WASHC3: variants seen among roughly 807,000 people sequenced by gnomAD.
WASHC3 encodes WASH complex subunit 3.
WASHC3 carries 24 observed loss-of-function variants against 26.1 expected under a neutral mutation model. The observed-to-expected ratio is 0.92, with a 90% CI of 0.66 to 1.29. The LOEUF (loss-of-function observed/expected upper bound fraction) is 1.29, where lower values mean the gene tolerates loss of function less well. WASHC3 is among the 50% of genes most tolerant of loss of function. The probability of loss-of-function intolerance (pLI) is 0.00; values close to 1 mark genes in which losing one functional copy is unlikely to be tolerated. For synonymous variants in WASHC3, 77 were observed against 75.7 expected (o/e 1.02, Z -0.09); for missense variants, 214 against 229.6 (o/e 0.93, Z 0.44).
intron 2 of WASHC3, among the ~76,000 whole-genome samples, chr12:102,058,783 C>T (rs567470960): frequency 2.0e-5 from 3 of 151,930 alleles, no homozygotes; most frequent in African/African-American, 7.2e-5. Context: ...TTCACAATAG[C>T]CAAGATACGG....
chr12:102,014,858 A>G (rs946669657), intron 6 of WASHC3, among the ~76,000 whole-genome samples: 13 of 152,224 alleles, frequency 8.5e-5, no homozygotes, highest in African/African-American at 3.1e-4. Flanking sequence ...TCTCTTTGCT[A>G]TATATTTGAT....
chr12:102,053,276 C>A (rs1469822588), intron 2 of WASHC3, among the ~76,000 whole-genome samples: 1 of 151,962 alleles, frequency 6.6e-6, no homozygotes, highest in Non-Finnish European at 1.5e-5. Flanking sequence ...CAAGTTGGAA[C>A]CCTAAGGATC....
chr12:102,014,050 A>G lies in WASHC3; in HGVS notation c.501-858T>C, dbSNP rs976826263. Among the ~76,000 whole-genome samples, 26 of 151,592 alleles carry G rather than the reference A, an allele frequency of 1.7e-4. No individual in the cohort carries two copies. In the South Asian group the frequency reaches 2.1e-3, roughly 12 times the overall value. ...TTTTGGGGGGGAAACCAAGAGGAAAAGGAGTAACAATATAACTGCTACATC... is the reference window on the plus strand; with the variant it reads ...TTTTGGGGGGGAAACCAAGAGGAAAGGGAGTAACAATATAACTGCTACATC... On this transcript the variant is annotated intron_variant, in intron 6 of 6. Transcript: ENST00000240079.
intron 6 of WASHC3, among the ~76,000 whole-genome samples, chr12:102,018,686 T>G (rs1876815946): frequency 6.6e-6 from 1 of 152,218 alleles, no homozygotes; most frequent in African/African-American, 2.4e-5. Context: ...CCCAATCTGG[T>G]TTAGAACTCC....
chr12:102,061,983 C>T lies in WASHC3; in HGVS notation c.-21G>A. The T allele has an allele frequency of 6.3e-7, 1 of 1,582,846 alleles. No individual in the cohort carries two copies. The highest frequency in any genetic ancestry group is 8.6e-7 in the Non-Finnish European group (1 of 1,162,370). The stretch of plus-strand genomic sequence containing the variant: ...TCCATCTCCTCAGCGGGCGGTGGAC[C>T]CCGAGTTCACCCACAAACCCCTCCC... On this transcript the variant is annotated 5_prime_UTR_variant, in exon 1 of 7. Transcript: ENST00000240079.
chr12:102,050,168 G>C (rs1460918660), intron 2 of WASHC3: 1 of 339,486 alleles, frequency 2.9e-6, no homozygotes, highest in African/African-American at 2.2e-5. Flanking sequence ...CAAAAAATTA[G>C]CCAGGTGTGG....
rs773115383 is a variant in WASHC3, at chr12:102,043,982, T to C, written c.324+123A>G. The stretch of plus-strand genomic sequence containing the variant: ...TGTTTTTCCCAAACTTCATTTTCTA[T>C]GTTAAGGTTTTAAAATTTTACTATT... On this transcript the variant is annotated intron_variant, in intron 4 of 6. Coordinates refer to ENST00000240079, the MANE Select transcript of WASHC3 (RefSeq NM_016053.4). 1.4e-5 allele frequency: 7 copies of C among 488,692 alleles called. No homozygotes were observed. The Admixed American group carries it at 1.9e-4, about 13-fold the overall frequency. 30.3% of individuals were successfully genotyped at this position (488,692 alleles called of 1,614,324 possible).
At chr12:102,026,079 C>T (rs1401714158) in intron 5 of WASHC3, 41 bp from the exon 6 acceptor site, 1 of 1,153,676 alleles carries the variant, frequency 8.7e-7, no homozygotes, top group East Asian at 2.6e-5. Context: ...TTAAAAATGT[C>T]TCCTTTATAT....
At chr12:102,030,205 G>A (rs1222462477) in intron 5 of WASHC3, among the ~76,000 whole-genome samples, 1 of 149,290 alleles carries the variant, frequency 6.7e-6, no homozygotes, top group Non-Finnish European at 1.5e-5. Context: ...TGAGGTAGGA[G>A]AATCACTTGA....
intron 2 of WASHC3, among the ~76,000 whole-genome samples, chr12:102,052,841 C>T (rs909120631): frequency 3.3e-5 from 5 of 152,028 alleles, no homozygotes; most frequent in East Asian, 1.9e-4. Context: ...CCACTATTGC[C>T]GTAGGACCCA....
intron 2 of WASHC3, among the ~76,000 whole-genome samples, chr12:102,061,023 C>A (rs1463198597): frequency 2.0e-5 from 3 of 149,458 alleles, no homozygotes; most frequent in African/African-American, 4.9e-5. Context: ...ATAAGCCTGA[C>A]TGACCTATCT....
chr12:102,046,028 AC>A, intron 3 of WASHC3, 25 bp downstream of exon 3: 1 of 1,376,366 alleles, frequency 7.3e-7, no homozygotes, highest in Non-Finnish European at 1.0e-6. Flanking sequence ...CAAAGTTTAT[AC>A]TACAAATTAT....
At chr12:102,060,260 T>C (rs529718910) in intron 2 of WASHC3, among the ~76,000 whole-genome samples, 1 of 152,226 alleles carries the variant, frequency 6.6e-6, no homozygotes, top group African/African-American at 2.4e-5. Flanking sequence ...TTTGGCTTTT[T>C]AAAAGACAGG....
chr12:102,055,684 G>A (rs1878567021), intron 2 of WASHC3, among the ~76,000 whole-genome samples: 1 of 152,116 alleles, frequency 6.6e-6, no homozygotes, highest in Admixed American at 6.6e-5. Flanking sequence ...CTGAATATGG[G>A]ACCACTGATA....
At chr12:102,039,127 G>GTTTTTTTTTTTTTTTTTTTTTTTTTTT (rs151151284) in intron 5 of WASHC3, among the ~76,000 whole-genome samples, 1 of 84,272 alleles carries the variant, frequency 1.2e-5, no homozygotes. Flanking sequence ...TATGGAGTTA[G>GTTTTTTTTTTTTTTTTTTTTTTTTTTT]GTTTTTTTTT....
intron 6 of WASHC3, among the ~76,000 whole-genome samples, chr12:102,020,046 A>G (rs559327192): frequency 3.9e-4 from 59 of 152,182 alleles, no homozygotes; most frequent in Non-Finnish European, 7.9e-4. Flanking sequence ...ACAGGAATCT[A>G]TTCCCTTGGA....
In WASHC3 at chr12:102,046,098, G is replaced by T. The variant is rs774556047; in HGVS notation, c.172C>A (p.Arg58Ser). Residue 58 changes from arginine (R) to serine (S), a missense_variant, in exon 3 of 7, where the codon CGT becomes AGT. Coordinates refer to ENST00000240079, the MANE Select transcript of WASHC3 (RefSeq NM_016053.4). The stretch of plus-strand genomic sequence containing the variant: ...AGAGTTGTTTCAATTTGTTGGATAC[G>T]AAGTGAAAGGTCTGCCAGTTTCTGT... ...CEEKLADLSL[R>S]IQQIETTLNI... 10 of 1,595,486 alleles carry T rather than the reference G, an allele frequency of 6.3e-6. 1 individual carries two copies. In the South Asian group the frequency reaches 9.0e-5, roughly 14 times the overall value.
At chr12:102,055,683 G>T (rs188867060) in intron 2 of WASHC3, among the ~76,000 whole-genome samples, 1 of 152,158 alleles carries the variant, frequency 6.6e-6, no homozygotes, top group Admixed American at 6.5e-5. Context: ...TCTGAATATG[G>T]GACCACTGAT....
chr12:102,045,236 T>C (rs1192868904), intron 3 of WASHC3, among the ~76,000 whole-genome samples: 3 of 152,170 alleles, frequency 2.0e-5, no homozygotes, highest in South Asian at 2.1e-4. Flanking sequence ...GAGGACTATC[T>C]TGAACATGTT....
Sources: gnomAD v4.1 joint callset for allele counts (sites outside exome capture counted in the v4.1 genomes callset) on GRCh38, gnomAD v4.1.1 for gene constraint, MANE v1.5 for transcripts, NCBI Gene and HGNC (gene_info 2026-07-23, HGNC 2026-07-21) for gene names.